The following TUBGCP2 variants were observed in gnomAD, a reference collection of about 807,000 sequenced individuals.
TUBGCP2 encodes the protein gamma-tubulin complex component 2.
In TUBGCP2, 55 loss-of-function variants were observed where a neutral mutation model predicts 92.2. The ratio of observed to expected loss-of-function variants is 0.60; its 90% CI spans 0.48 to 0.75. The LOEUF (loss-of-function observed/expected upper bound fraction) is 0.75. Ranked by LOEUF, TUBGCP2 falls within the 30% of genes least tolerant of loss-of-function variation. The pLI, the probability that TUBGCP2 is intolerant of heterozygous loss-of-function variation, is 0.00. For synonymous variants in TUBGCP2, 533 were observed against 505.2 expected (o/e 1.06, Z -0.74); for missense variants, 1,093 against 1,188.9 (o/e 0.92, Z 1.19).
chr10:133,311,477 A>G (rs1847986129), upstream of TUBGCP2: 1 of 461,076 alleles, frequency 2.2e-6, no homozygotes, highest in Admixed American at 3.9e-5. Flanking sequence ...AAAAAAAAGT[A>G]TGATTGTTAC....
At chr10:133,311,518 T>C (rs571669116), upstream of TUBGCP2, 15 of 573,476 alleles carry the variant, frequency 2.6e-5, no homozygotes, top group African/African-American at 2.0e-4. Flanking sequence ...GACTCTATTA[T>C]ATAAACAATG....
At chr10:133,293,450 A>G in intron 6 of TUBGCP2, 112 bp downstream of exon 6, 2 of 1,329,832 alleles carry the variant, frequency 1.5e-6, no homozygotes, top group South Asian at 1.4e-5. Flanking sequence ...AGTTGTCACC[A>G]AGGCGGGCGC....
intron 17 of TUBGCP2, among the ~76,000 whole-genome samples, chr10:133,280,657 T>C (rs1195106120): frequency 6.6e-6 from 1 of 152,202 alleles, no homozygotes; most frequent in Non-Finnish European, 1.5e-5. Context: ...GAGTGGCATA[T>C]GACCAGCACT....
In TUBGCP2 at chr10:133,288,923, C is replaced by T; in HGVS notation, c.1458G>A (p.Glu486=). The change falls in exon 10 of 18, where the codon GAG becomes GAA. Residue 486 remains glutamate, a synonymous_variant. Coordinates refer to ENST00000252936, the MANE Select transcript of TUBGCP2 (RefSeq NM_006659.4). ...IYTLKERAYV[E]QIEKAFNYAS... is the part of the protein sequence containing the mutation. ...CGTAGTTAAACGCCTTCTCGATCTG[C>T]TCCACATACGCCCGCTCTTTTAACG... The T allele has an allele frequency of 1.2e-6, 2 of 1,614,272 alleles. No homozygotes were observed. The highest frequency in any genetic ancestry group is 1.7e-6 in the Non-Finnish European group (2 of 1,180,042).
At chr10:133,308,322 G>C (rs1225101789) in intron 1 of TUBGCP2, among the ~76,000 whole-genome samples, 1 of 152,214 alleles carries the variant, frequency 6.6e-6, no homozygotes, top group Non-Finnish European at 1.5e-5. Context: ...GAGCTGCGGG[G>C]ACTGGAGAGG....
chr10:133,296,163 C>T (rs188240592), intron 5 of TUBGCP2, among the ~76,000 whole-genome samples: 3 of 152,328 alleles, frequency 2.0e-5, no homozygotes, highest in Admixed American at 6.5e-5. Flanking sequence ...CCCACGGCGC[C>T]GCAGCGTTAC....
At chr10:133,306,374 A>AT (rs1847818471) in intron 1 of TUBGCP2, among the ~76,000 whole-genome samples, 1 of 152,216 alleles carries the variant, frequency 6.6e-6, no homozygotes, top group Non-Finnish European at 1.5e-5. Context: ...CTGGTCTGAG[A>AT]AACACTTTGG....
At chr10:133,311,508 G>A (rs1484631514), upstream of TUBGCP2, 29 of 523,882 alleles carry the variant, frequency 5.5e-5, no homozygotes, top group East Asian at 7.9e-4. Flanking sequence ...ATAAGATGCA[G>A]ACTCTATTAT....
Position 133,283,866 on chromosome 10 carries a change from T to C in TUBGCP2, c.2145+16A>G. ...AGTGGCTTTCAAACGTTATTATCTG[T>C]GGAGCTAAAACTCACGGATTTCAGG... On this transcript the variant is annotated intron_variant, in intron 14 of 17. Transcript: ENST00000252936. 1 of 1,613,140 alleles carries C rather than the reference T, an allele frequency of 6.2e-7. No homozygotes were observed. Among genetic ancestry groups the C allele is most frequent in the Non-Finnish European group, 8.5e-7 (1 of 1,179,452 alleles).
intron 2 of TUBGCP2, chr10:133,302,534 G>A (rs1487330717): frequency 1.3e-5 from 6 of 449,328 alleles, no homozygotes; most frequent in Admixed American, 1.1e-4. Context: ...ACCCAGGGAC[G>A]ACGCTCATCC....
chr10:133,290,732 G>T (rs1354588098), intron 8 of TUBGCP2: 1 of 152,092 alleles, frequency 6.6e-6, no homozygotes, highest in African/African-American at 2.4e-5. Flanking sequence ...AATGATGCTC[G>T]TGTGGGGTAG....
rs776992967 is a variant in TUBGCP2 at position 133,300,091 on chromosome 10, C to T, written c.173G>A (p.Arg58His). The change falls in exon 3 of 18, where the codon CGT becomes CAT. Residue 58 changes from arginine (R) to histidine (H), a missense_variant. By Grantham distance (29) the Arg-to-His change is conservative (BLOSUM62 0). Transcript: ENST00000252936. The stretch of plus-strand genomic sequence containing the variant: ...TTTCTTTAGAAAGTCTTCTGGAGTA[C>T]GAGAAAACTCTGCAATTTTAACCTC... ...SAKVKIAEFS[R>H]TPEDFLKKYD... 13 of 1,613,392 alleles carry T rather than the reference C, an allele frequency of 8.1e-6. No homozygotes were observed. The Admixed American group carries it at 8.3e-5, about 10-fold the overall frequency.
intron 5 of TUBGCP2, among the ~76,000 whole-genome samples, chr10:133,296,674 G>A (rs1222247760): frequency 6.6e-6 from 1 of 152,030 alleles, no homozygotes; most frequent in Non-Finnish European, 1.5e-5. Context: ...GACTAGTCTC[G>A]TCCTGTCGCC....
rs751753389 is a variant in TUBGCP2, at chr10:133,281,411, A to C, written c.2435T>G (p.Val812Gly). 8.1e-6 allele frequency: 13 copies of C among 1,613,274 alleles called. No homozygotes were observed. The highest frequency in any genetic ancestry group is 1.0e-5 in the Non-Finnish European group (12 of 1,180,008). ...GGCCTCGAAGCCGGACACCAGCTGC[A>C]CAGTGTCTGCGTGCTCAGCCAGGTG... ...RKHLAEHADT[V>G]QLVSGFEATI... The change falls in exon 17 of 18, where the codon GTG becomes GGG. Residue 812 changes from valine to glycine, a missense_variant. By Grantham distance (109) the Val-to-Gly change is moderately radical (BLOSUM62 -3). Coordinates refer to ENST00000252936, the MANE Select transcript of TUBGCP2 (RefSeq NM_006659.4).
chr10:133,285,283 C>G lies in TUBGCP2; in HGVS notation c.1896-70G>C. ...CGGCGTCGTGGACACGGCGTCTGTA[C>G]TCCACAGTCCGCACCGTGGCCCCCG... is the stretch of plus-strand genomic sequence containing the variant. On this transcript the variant is annotated intron_variant, in intron 12 of 17. Transcript: ENST00000252936. The surrounding 1 kb of genome is among the most constrained non-coding windows in gnomAD (Gnocchi z 6.8). 6.2e-7 allele frequency: 1 copy of G among 1,602,966 alleles called. No individual in the cohort carries two copies. Among genetic ancestry groups the G allele is most frequent in the Admixed American group, 1.7e-5 (1 of 59,370 alleles).
chr10:133,311,993 G>A, upstream of TUBGCP2: 1 of 1,604,224 alleles, frequency 6.2e-7, no homozygotes, highest in Admixed American at 1.7e-5. Context: ...AGAAAGTCCA[G>A]ATATCTCAGG....
chr10:133,299,587 T>C lies in TUBGCP2; in HGVS notation c.296A>G (p.Gln99Arg). The C allele has an allele frequency of 6.2e-7, 1 of 1,611,256 alleles. No individual in the cohort carries two copies. Among genetic ancestry groups the C allele is most frequent in the Non-Finnish European group, 8.5e-7 (1 of 1,178,284 alleles). The change falls in exon 4 of 18, where the codon CAA becomes CGA. Residue 99 changes from glutamine to arginine, a missense_variant. Gln to Arg is a conservative substitution (Grantham distance 43). Coordinates refer to ENST00000252936, the MANE Select transcript of TUBGCP2 (RefSeq NM_006659.4). ...TEDKETLQYL[Q>R]QNAKERAELA... Reference sequence around the variant, plus strand: ...CTCAGCTCTTTCTTTTGCATTCTGTTGTAAGTACTGCAGAGTCTGAAAACA... The same window carrying C: ...CTCAGCTCTTTCTTTTGCATTCTGTCGTAAGTACTGCAGAGTCTGAAAACA...
rs750963177 is a variant in TUBGCP2 at position 133,293,156 on chromosome 10, G to C, written c.907C>G (p.His303Asp). ...TCCAGCTGTGACACCAGAATCAGGT[G>C]CTCCTTCACCAGGGTGCGCATGGCG... ...AAAMRTLVKE[H>D]LILVSQLEQL... The change falls in exon 7 of 18, where the codon CAC becomes GAC. Residue 303 changes from histidine to aspartate, a missense_variant. Physicochemically the swap from His to Asp is moderately conservative, Grantham distance 81 (BLOSUM62 -1). This residue lies in a region of TUBGCP2 where 490 missense variants were observed against 488.5 expected (regional missense o/e 1.00). Transcript: ENST00000252936. 2 of 1,613,946 alleles carry C rather than the reference G, an allele frequency of 1.2e-6. No homozygotes were observed. The highest frequency in any genetic ancestry group is 1.7e-6 in the Non-Finnish European group (2 of 1,180,044).
Position 133,296,945 on chromosome 10 carries a change from G to A in TUBGCP2, c.616+1007C>T, listed in dbSNP as rs935667142. Among the ~76,000 whole-genome samples the A allele has an allele frequency of 3.9e-5, 6 of 152,198 alleles. No individual in the cohort carries two copies. In the East Asian group the frequency reaches 9.6e-4, roughly 24 times the overall value. On this transcript the variant is annotated intron_variant, in intron 5 of 17. Coordinates refer to ENST00000252936, the MANE Select transcript of TUBGCP2 (RefSeq NM_006659.4). ...CACGTCACCGTTCTCCAGGGTTTCC[G>A]GCAAAGGCAAGGGTTGGCCCCTTGG...
Sources: allele counts gnomAD v4.1 joint callset (sites outside exome capture counted in the v4.1 genomes callset), GRCh38; gene constraint gnomAD v4.1.1; regional missense constraint gnomAD v4.1.1; non-coding constraint Gnocchi (gnomAD v3.1); transcripts MANE v1.5; gene names NCBI Gene and HGNC (gene_info 2026-07-23, HGNC 2026-07-21).